Variants in ROBO2 observed in about 807,000 individuals in gnomAD.
ROBO2 encodes roundabout guidance receptor 2, also known as roundabout homolog 2.
In ROBO2, 53 loss-of-function variants were observed where a neutral mutation model predicts 160.8. The observed-to-expected ratio is 0.33, with a 90% CI of 0.26 to 0.41. ROBO2 has a LOEUF of 0.41. ROBO2 is among the 10% of genes least tolerant of loss of function. The probability of loss-of-function intolerance (pLI) is 1.00; values close to 1 mark genes in which losing one functional copy is unlikely to be tolerated. For missense variants in ROBO2, 1,577 were observed against 1,722.4 expected (o/e 0.92, Z 1.49); for synonymous variants, 664 against 611.7 (o/e 1.09, Z -1.26).
At chr3:77,113,655 G>A (rs556413058) in intron 2 of ROBO2, among the ~76,000 whole-genome samples, 12 of 152,222 alleles carry the variant, frequency 7.9e-5, no homozygotes, top group Admixed American at 6.5e-4. Context: ...GACAAGGAGC[G>A]GTCTAGTTAA....
At chr3:76,702,157 C>A (rs1163585408) in intron 2 of ROBO2, among the ~76,000 whole-genome samples, 1 of 151,812 alleles carries the variant, frequency 6.6e-6, no homozygotes, top group Admixed American at 6.6e-5. Flanking sequence ...ATATCTTTAT[C>A]CCTTTCCATT....
intron 2 of ROBO2, among the ~76,000 whole-genome samples, chr3:77,421,885 A>G (rs1338578509): frequency 6.6e-6 from 1 of 152,196 alleles, no homozygotes; most frequent in Admixed American, 6.6e-5. Context: ...AAAAAACAAG[A>G]TCTGCTGTCT....
At chr3:76,288,555 T>C (rs569831992) in intron 2 of ROBO2, among the ~76,000 whole-genome samples, 1 of 152,130 alleles carries the variant, frequency 6.6e-6, no homozygotes, top group East Asian at 1.9e-4. Context: ...ATAAATTGTA[T>C]GTCTCAGGTG....
intron 2 of ROBO2, among the ~76,000 whole-genome samples, chr3:76,595,598 A>G (rs1334374152): frequency 1.3e-5 from 2 of 152,106 alleles, no homozygotes. Flanking sequence ...GTGATCTTTA[A>G]AAAATTACAG....
intron 1 of ROBO2, among the ~76,000 whole-genome samples, chr3:77,041,175 A>G (rs1010628279): frequency 6.6e-6 from 1 of 152,202 alleles, no homozygotes; most frequent in African/African-American, 2.4e-5. Flanking sequence ...GCCTAATACT[A>G]TTGTGCCTGC....
At chr3:76,146,211 TACTC>T (rs1274160639) in intron 2 of ROBO2, among the ~76,000 whole-genome samples, 1 of 152,020 alleles carries the variant, frequency 6.6e-6, no homozygotes, top group African/African-American at 2.4e-5. Context: ...TTAAAACAAT[TACTC>T]AACAAAACTG....
At position 77,347,225 on chromosome 3, in the gene ROBO2, A is replaced by G. The variant is rs548395789; in HGVS notation, c.389-130189A>G. Among the ~76,000 whole-genome samples, 18 of 152,280 alleles carry G rather than the reference A, an allele frequency of 1.2e-4. 1 individual carries two copies. The South Asian group carries it at 3.7e-3, about 32-fold the overall frequency. ...AGACCATGCTAATTGCAAGTACACC[A>G]TAAAGCTGTAAGGTTCATATTTGAT... is the stretch of plus-strand genomic sequence containing the variant. On this transcript the variant is annotated intron_variant, in intron 2 of 25. Coordinates refer to ENST00000461745, the Ensembl canonical transcript of ROBO2.
rs534211022 is a variant in ROBO2 at position 76,724,734 on chromosome 3, C to T, written c.110-373280C>T. Among the ~76,000 whole-genome samples, 5 of 152,258 alleles carry T rather than the reference C, an allele frequency of 3.3e-5. No homozygotes were observed. The South Asian group carries it at 1.0e-3, about 32-fold the overall frequency. On this transcript the variant is annotated intron_variant, in intron 2 of 26. Transcript: ENST00000487694. ...CAAAGATATCACACCCTAATCTCTG[C>T]AACCTATAAATGTTACTTATATGGA... is the stretch of plus-strand genomic sequence containing the variant.
chr3:76,996,013 T>G (rs2060981289), intron 2 of ROBO2, among the ~76,000 whole-genome samples: 1 of 152,226 alleles, frequency 6.6e-6, no homozygotes, highest in Non-Finnish European at 1.5e-5. Context: ...GTTTTAGACA[T>G]GAAGTCCTTG....
intron 2 of ROBO2, among the ~76,000 whole-genome samples, chr3:76,219,667 T>G (rs1703823888): frequency 6.6e-6 from 1 of 152,064 alleles, no homozygotes; most frequent in South Asian, 2.1e-4. Context: ...CATTAAAAAG[T>G]CAGGAAACAA....
chr3:77,056,654 A>T (rs2065776787), intron 1 of ROBO2, among the ~76,000 whole-genome samples: 1 of 152,214 alleles, frequency 6.6e-6, no homozygotes, highest in African/African-American at 2.4e-5. Context: ...AGATAACTCA[A>T]AACTCAGACA....
At chr3:76,483,851 T>A (rs1048573466) in intron 2 of ROBO2, among the ~76,000 whole-genome samples, 10 of 152,276 alleles carry the variant, frequency 6.6e-5, no homozygotes, top group Middle Eastern at 3.4e-3. Flanking sequence ...TTACTAAGAA[T>A]AATGGCCTCC....
At chr3:76,536,594 T>C (rs1326408608) in intron 2 of ROBO2, among the ~76,000 whole-genome samples, 2 of 151,898 alleles carry the variant, frequency 1.3e-5, no homozygotes, top group Admixed American at 6.6e-5. Flanking sequence ...AGCTATACCT[T>C]GGGAGCCTGT....
At chr3:76,027,649 T>A (rs1056600925) in intron 2 of ROBO2, among the ~76,000 whole-genome samples, 1 of 151,946 alleles carries the variant, frequency 6.6e-6, no homozygotes, top group Non-Finnish European at 1.5e-5. Context: ...ACTAATGATT[T>A]TCTCAGAAAA....
chr3:77,042,184 G>A (rs1398408839), intron 1 of ROBO2, among the ~76,000 whole-genome samples: 2 of 152,198 alleles, frequency 1.3e-5, no homozygotes, highest in Non-Finnish European at 2.9e-5. Flanking sequence ...TGTGTGCACT[G>A]CTTCTCTCTT....
intron 2 of ROBO2, among the ~76,000 whole-genome samples, chr3:76,915,684 A>G (rs567032701): frequency 2.0e-5 from 3 of 151,658 alleles, no homozygotes; most frequent in South Asian, 4.2e-4. Context: ...AAAAAAAAAA[A>G]AAAGAAAAAA....
At chr3:76,405,919 G>A (rs2078100128) in intron 2 of ROBO2, among the ~76,000 whole-genome samples, 1 of 151,488 alleles carries the variant, frequency 6.6e-6, no homozygotes, top group African/African-American at 2.4e-5. Context: ...AAGGTTTTTG[G>A]CACCCTTTGT....
chr3:76,213,364 C>CA, intron 2 of ROBO2, among the ~76,000 whole-genome samples: 1 of 151,724 alleles, frequency 6.6e-6, no homozygotes, highest in Non-Finnish European at 1.5e-5. Context: ...TTAAGATAAA[C>CA]AAAAAAGAAG....
intron 4 of ROBO2, 47 bp from the exon 5 acceptor site, chr3:77,493,197 C>T (rs200143507): frequency 1.3e-6 from 2 of 1,591,886 alleles, no homozygotes; most frequent in Non-Finnish European, 1.7e-6. Flanking sequence ...TTAAAGCATG[C>T]ATAATAGTTT....
Sources: allele counts gnomAD v4.1 joint callset (sites outside exome capture counted in the v4.1 genomes callset), GRCh38; gene constraint gnomAD v4.1.1; transcripts MANE v1.5; gene names NCBI Gene and HGNC (gene_info 2026-07-23, HGNC 2026-07-21).